The following MYO1C variants were observed in gnomAD, a reference collection of about 807,000 sequenced individuals.
MYO1C encodes myosin IC.
A neutral mutation model predicts 150.8 loss-of-function variants in MYO1C; 104 were observed. That is an observed-to-expected ratio of 0.69 (90% confidence interval 0.59 to 0.81). MYO1C has a LOEUF of 0.81. Ranked by LOEUF, MYO1C falls within the 30% of genes least tolerant of loss-of-function variation. The probability of loss-of-function intolerance (pLI) is 0.00; values close to 1 mark genes in which losing one functional copy is unlikely to be tolerated. For missense variants in MYO1C, 1,504 were observed against 1,435.0 expected, an observed-to-expected ratio of 1.05 and a Z score of -0.78; for synonymous variants, 663 against 579.9, an observed-to-expected ratio of 1.14 and a Z score of -2.06.
chr17:1,483,187 G>GT, intron 3 of MYO1C, 128 bp from the exon 4 acceptor site: 1 of 945,078 alleles, frequency 1.1e-6, no homozygotes, highest in South Asian at 1.6e-5. Flanking sequence ...GGGGACTGGG[G>GT]GTCCCTCACA....
At chr17:1,492,061 C>T (rs2074741765) in intron 1 of MYO1C, 1 of 353,798 alleles carries the variant, frequency 2.8e-6, no homozygotes, top group African/African-American at 2.1e-5. Context: ...GCCCTGCGGA[C>T]TGGAGAGGAG....
intron 2 of MYO1C, 47 bp from the exon 3 acceptor site, chr17:1,483,772 G>C (rs190660110): frequency 2.1e-6 from 3 of 1,438,864 alleles, no homozygotes; most frequent in Admixed American, 1.9e-5. Flanking sequence ...GGCCAGGTGC[G>C]ATGGCTCATG....
At position 1,470,321 on chromosome 17, in the gene MYO1C, A is replaced by T; in HGVS notation, c.2380T>A (p.Phe794Ile). The T allele has an allele frequency of 6.9e-7, 1 of 1,449,200 alleles. No homozygotes were observed. The highest frequency in any genetic ancestry group is 9.2e-7 in the Non-Finnish European group (1 of 1,082,794). The allele number at this position is 1,449,200 out of a possible 1,614,324, so 89.8% of individuals were successfully genotyped here. ...AQTIRRLIRG[F>I]VLRHAPRCPE... Reference sequence around the variant, plus strand: ...CAGCGGGGGGCGTGGCGCAGGACGAAGCCTCGGATGAGCCTGGGGTGGGGG... The same window carrying T: ...CAGCGGGGGGCGTGGCGCAGGACGATGCCTCGGATGAGCCTGGGGTGGGGG... The change falls in exon 24 of 32, where the codon TTC (phenylalanine) becomes ATC (isoleucine). Residue 794 changes from phenylalanine to isoleucine, a missense_variant. Coordinates refer to ENST00000648651, the MANE Select transcript of MYO1C (RefSeq NM_001080779.2).
chr17:1,472,204 G>C lies in MYO1C; in HGVS notation c.1822C>G (p.Leu608Val). Residue 608 changes from leucine (L) to valine (V), a missense_variant, in exon 18 of 32, where the codon CTC becomes GTC. Physicochemically the swap from Leu to Val is conservative, Grantham distance 32. Transcript: ENST00000648651. ...TGCAGGATCTCCACCAGCTGCAGGAGGCTCATCTTGAACTGGGTGGCGACC... is the reference window on the plus strand; with the variant it reads ...TGCAGGATCTCCACCAGCTGCAGGACGCTCATCTTGAACTGGGTGGCGACC... ...ETVATQFKMS[L>V]LQLVEILQSK... 1.2e-6 allele frequency: 2 copies of C among 1,614,156 alleles called. No individual in the cohort carries two copies. The highest frequency in any genetic ancestry group is 4.5e-5 in the East Asian group (2 of 44,882).
chr17:1,477,324 C>T lies in MYO1C; in HGVS notation c.1574+181G>A, dbSNP rs114251079. 3.5e-3 allele frequency: 2,248 copies of T among 645,032 alleles called. 45 individuals carry two copies. In the African/African-American group the frequency reaches 0.035, roughly 10 times the overall value. The allele number at this position is 645,032 out of a possible 1,614,324, so 40.0% of individuals were successfully genotyped here. On this transcript the variant is annotated intron_variant, in intron 14 of 31. Coordinates refer to ENST00000648651, the MANE Select transcript of MYO1C (RefSeq NM_001080779.2). Reference sequence around the variant, plus strand: ...CCTTCTGCATAGATGGGACTCCAGGCGTGTCAGCATGCCTGGCTAAGCTTC... The same window carrying T: ...CCTTCTGCATAGATGGGACTCCAGGTGTGTCAGCATGCCTGGCTAAGCTTC...
chr17:1,481,804 T>C (rs1323888649), intron 5 of MYO1C, among the ~76,000 whole-genome samples: 1 of 146,592 alleles, frequency 6.8e-6, no homozygotes, highest in Non-Finnish European at 1.5e-5. Flanking sequence ...CCCAGCCCGA[T>C]GACTCCCCTT....
chr17:1,473,202 A>G (rs2074339493), intron 17 of MYO1C, among the ~76,000 whole-genome samples: 1 of 150,774 alleles, frequency 6.6e-6, no homozygotes, highest in African/African-American at 2.4e-5. Context: ...TCCGTCTCAA[A>G]AACAAAAACA....
Position 1,470,457 on chromosome 17 carries a change from A to G in MYO1C, c.2344T>C (p.Trp782Arg). ...LGRRKAAKRKWAAQTIRRLIR... is the reference protein window; with the variant it reads ...LGRRKAAKRKRAAQTIRRLIR... Reference sequence around the variant, plus strand: ...CACCGCCGGATGGTCTGTGCCGCCCACTTCCTCTTGGCTGCCTTCCTCCGG... The same window carrying G: ...CACCGCCGGATGGTCTGTGCCGCCCGCTTCCTCTTGGCTGCCTTCCTCCGG... Residue 782 changes from tryptophan to arginine, a missense_variant, in exon 23 of 32, where the codon TGG becomes CGG. Transcript: ENST00000648651. The G allele has an allele frequency of 6.4e-7, 1 of 1,550,730 alleles. No homozygotes were observed. The highest frequency in any genetic ancestry group is 2.0e-5 in the Admixed American group (1 of 51,034).
At chr17:1,475,210 G>A (rs1428679085) in intron 14 of MYO1C, among the ~76,000 whole-genome samples, 178 bp from the exon 15 acceptor site, 1 of 152,224 alleles carries the variant, frequency 6.6e-6, no homozygotes, top group Admixed American at 6.5e-5. Context: ...CACAAAGTCA[G>A]TACTTCGAGA....
At chr17:1,477,448 C>T (rs2074421950) in intron 14 of MYO1C, 57 bp downstream of exon 14, 3 of 1,521,594 alleles carry the variant, frequency 2.0e-6, no homozygotes, top group Non-Finnish European at 2.7e-6. Context: ...CTCCTGCACT[C>T]CGCAGGCTCT....
In MYO1C at chr17:1,479,990, A is replaced by G. The variant is rs2150954881; in HGVS notation, c.907-285T>C. ...GCAAAACCCCATCATTATTAAAAAT[A>G]CAAAAATTAGCCAGGTGTGGTGGCA... On this transcript the variant is annotated intron_variant, in intron 7 of 31. Coordinates refer to ENST00000648651, the MANE Select transcript of MYO1C (RefSeq NM_001080779.2). The surrounding 1 kb of genome is among the most constrained non-coding windows in gnomAD (Gnocchi z 4.2). Among the ~76,000 whole-genome samples, 1 of 151,972 alleles carries G rather than the reference A, an allele frequency of 6.6e-6. No homozygotes were observed. The highest frequency in any genetic ancestry group is 1.5e-5 in the Non-Finnish European group (1 of 67,978).
Position 1,492,539 on chromosome 17 carries a change from C to T in MYO1C, c.-52G>A, listed in dbSNP as rs927982050. 5 of 1,537,020 alleles carry T rather than the reference C, an allele frequency of 3.3e-6. No individual in the cohort carries two copies. Among genetic ancestry groups the T allele is most frequent in the Non-Finnish European group, 4.4e-6 (5 of 1,131,722 alleles). ...GGGCACCGCGGCCTGTGAGCAAGAG[C>T]TGCCTGCCCACTGGCGGGCTCCGAC... is the stretch of plus-strand genomic sequence containing the variant. On this transcript the variant is annotated 5_prime_UTR_variant, in exon 1 of 32. Coordinates refer to ENST00000648651, the MANE Select transcript of MYO1C (RefSeq NM_001080779.2).
Position 1,474,841 on chromosome 17 carries a change from T to C in MYO1C, c.1687A>G (p.Asn563Asp). 1 of 1,613,970 alleles carries C rather than the reference T, an allele frequency of 6.2e-7. No homozygotes were observed. Among genetic ancestry groups the C allele is most frequent in the Non-Finnish European group, 8.5e-7 (1 of 1,179,952 alleles). Residue 563 changes from asparagine to aspartate, a missense_variant, in exon 16 of 32, where the codon AAT becomes GAT. By Grantham distance (23) the Asn-to-Asp change is conservative. Coordinates refer to ENST00000648651, the MANE Select transcript of MYO1C (RefSeq NM_001080779.2). ...YSVTGFLDKN[N>D]DLLFRNLKET... ...TTAAGGTTCCGGAAGAGAAGGTCATTGTTTTTGTCCAGAAACCCTGGGAGG... is the reference window on the plus strand; with the variant it reads ...TTAAGGTTCCGGAAGAGAAGGTCATCGTTTTTGTCCAGAAACCCTGGGAGG...
At chr17:1,492,186 C>T (rs2150972616) in intron 1 of MYO1C, 1 of 576,960 alleles carries the variant, frequency 1.7e-6, no homozygotes, top group Non-Finnish European at 3.1e-6. Flanking sequence ...TTCGGGAAGC[C>T]GGGGAAGAGT....
chr17:1,480,059 T>A (rs1054566739), intron 7 of MYO1C, among the ~76,000 whole-genome samples: 13 of 142,690 alleles, frequency 9.1e-5, no homozygotes, highest in African/African-American at 2.9e-4. Context: ...GGCATGAGAA[T>A]CACTTTAACC....
Position 1,474,872 on chromosome 17 carries a change from A to G in MYO1C, c.1670-14T>C. On this transcript the variant is annotated splice_polypyrimidine_tract_variant and intron_variant, in intron 15 of 31. Transcript: ENST00000648651. ...TGTCCAGAAACCCTGGGAGGGGAGA[A>G]CCGACGTGAGGTGAGACAGAGCCTC... 6.2e-7 allele frequency: 1 copy of G among 1,614,028 alleles called. No homozygotes were observed. Among genetic ancestry groups the G allele is most frequent in the Non-Finnish European group, 8.5e-7 (1 of 1,179,960 alleles).
At position 1,478,665 on chromosome 17, in the gene MYO1C, C is replaced by A. The variant is rs773525819; in HGVS notation, c.1163G>T (p.Arg388Leu). 5.0e-6 allele frequency: 8 copies of A among 1,614,046 alleles called. No individual in the cohort carries two copies. Among genetic ancestry groups the A allele is most frequent in the East Asian group, 2.2e-5 (1 of 44,898 alleles). The change falls in exon 10 of 32, where the codon CGC (arginine) becomes CTC (leucine). Residue 388 changes from arginine (R) to leucine (L), a missense_variant. Physicochemically the swap from Arg to Leu is moderately radical, Grantham distance 102. Transcript: ENST00000648651. The surrounding 1 kb of genome is among the most constrained non-coding windows in gnomAD (Gnocchi z 6.3). ...CTTCCCGACGAGCCAGGTAAAAGTG[C>A]GGCTGTACACAGCCTTGGCGAGGGC... Reference protein sequence around the residue: ...RDALAKAVYSRTFTWLVGKIN... With the variant: ...RDALAKAVYSLTFTWLVGKIN...
chr17:1,469,173 CCGGGGTAAATACGGTAGG>C (rs1033904631), intron 25 of MYO1C: 21 of 368,028 alleles, frequency 5.7e-5, no homozygotes, highest in African/African-American at 2.5e-4. Context: ...ACAGAGTAGA[CCGGGGTAAATACGGTAGG>C]CGGGGTAAAT....
At chr17:1,477,869 C>T in intron 13 of MYO1C, 22 bp downstream of exon 13, 1 of 1,598,678 alleles carries the variant, frequency 6.3e-7, no homozygotes, top group Non-Finnish European at 8.6e-7. Context: ...AGCACCAGGC[C>T]TTGGAGGCGC....
Sources: gnomAD v4.1 joint callset for allele counts (sites outside exome capture counted in the v4.1 genomes callset) on GRCh38, gnomAD v4.1.1 for gene constraint, Gnocchi (gnomAD v3.1) non-coding constraint, MANE v1.5 for transcripts, NCBI Gene and HGNC (gene_info 2026-07-23, HGNC 2026-07-21) for gene names.